NRXN3: variants seen among roughly 807,000 people sequenced by gnomAD.
NRXN3 encodes neurexin 3.
Under a neutral mutation model 137.6 loss-of-function variants are expected in NRXN3, and 32 were observed. The ratio of observed to expected loss-of-function variants is 0.23; its 90% CI spans 0.18 to 0.31. The LOEUF (loss-of-function observed/expected upper bound fraction) is 0.31, where lower values mean the gene tolerates loss of function less well. Ranked by LOEUF, NRXN3 falls within the 10% of genes least tolerant of loss-of-function variation. The pLI is 1.00. For synonymous variants in NRXN3, 798 were observed against 784.5 expected (o/e 1.02, Z -0.29); for missense variants, 1,574 against 2,062.5 (o/e 0.76, Z 4.59).
intron 4 of NRXN3, among the ~76,000 whole-genome samples, chr14:78,434,274 A>T (rs1203277407): frequency 1.3e-5 from 2 of 152,164 alleles, no homozygotes; most frequent in Non-Finnish European, 2.9e-5. Flanking sequence ...TATTGGCAAG[A>T]TTGATTCCTT....
intron 15 of NRXN3, among the ~76,000 whole-genome samples, chr14:79,150,885 G>A (rs914755352): frequency 6.6e-6 from 1 of 152,042 alleles, no homozygotes; most frequent in Non-Finnish European, 1.5e-5. Context: ...ATTGGAGCCA[G>A]CAATTCAGCA....
chr14:78,211,855 C>T (rs925244597), intron 1 of NRXN3, among the ~76,000 whole-genome samples: 9 of 152,166 alleles, frequency 5.9e-5, no homozygotes, highest in African/African-American at 2.2e-4. Context: ...GAAGGGGAAT[C>T]ACTGTTGTCT....
At chr14:78,596,078 G>T (rs1405688566) in intron 4 of NRXN3, among the ~76,000 whole-genome samples, 1 of 152,126 alleles carries the variant, frequency 6.6e-6, no homozygotes, top group African/African-American at 2.4e-5. Context: ...GAATTATTTG[G>T]CCCCAGATGT....
chr14:78,456,861 C>T (rs879604874), intron 4 of NRXN3, among the ~76,000 whole-genome samples: 8,755 of 100,146 alleles, frequency 0.087, 310 homozygotes, highest in Non-Finnish European at 0.13. Context: ...TTCTTTTTCT[C>T]TTTCTTTCTT....
intron 4 of NRXN3, among the ~76,000 whole-genome samples, chr14:78,590,226 A>C (rs533712621): frequency 6.6e-6 from 1 of 152,176 alleles, no homozygotes; most frequent in Admixed American, 6.5e-5. Flanking sequence ...CAGTTCCATC[A>C]TGGTCTGCTC....
intron 4 of NRXN3, among the ~76,000 whole-genome samples, chr14:78,375,520 C>T (rs1195811951): frequency 6.6e-6 from 1 of 152,136 alleles, no homozygotes; most frequent in Non-Finnish European, 1.5e-5. Flanking sequence ...TCATTACATA[C>T]TTAGTAAGCT....
intron 4 of NRXN3, among the ~76,000 whole-genome samples, chr14:78,553,769 T>C (rs1311095079): frequency 6.6e-6 from 1 of 152,176 alleles, no homozygotes; most frequent in Non-Finnish European, 1.5e-5. Context: ...TCTTGCTCCT[T>C]TTTTTCCATT....
intron 15 of NRXN3, among the ~76,000 whole-genome samples, chr14:79,294,827 G>A (rs111813165): frequency 5.9e-5 from 9 of 152,304 alleles, no homozygotes; most frequent in African/African-American, 2.2e-4. Flanking sequence ...CATGAGCTTT[G>A]TCCCCAAAGG....
chr14:79,206,253 A>T (rs998833294), intron 15 of NRXN3, among the ~76,000 whole-genome samples: 1 of 152,214 alleles, frequency 6.6e-6, no homozygotes, highest in African/African-American at 2.4e-5. Context: ...AGACATTCTT[A>T]AAGGATTTGC....
intron 15 of NRXN3, among the ~76,000 whole-genome samples, chr14:79,307,228 G>A (rs1379173198): frequency 1.3e-5 from 2 of 151,976 alleles, no homozygotes; most frequent in African/African-American, 4.8e-5. Context: ...CATTAAATAA[G>A]TTACTCTAGG....
At position 78,522,792 on chromosome 14, in the gene NRXN3, G is replaced by A. The variant is rs560465024; in HGVS notation, c.758-122328G>A. ...GGGAAGATACTCTCTTTCCACTGGG[G>A]TTGTTAAACAAGTAGAATGCAAGGC... On this transcript the variant is annotated intron_variant, in intron 4 of 20. Coordinates refer to ENST00000335750, the MANE Select transcript of NRXN3 (RefSeq NM_001330195.2). Among the ~76,000 whole-genome samples the A allele has an allele frequency of 3.2e-3, 491 of 152,206 alleles. 5 individuals carry two copies. The highest frequency in any genetic ancestry group is 8.1e-3 in the South Asian group (39 of 4,814).
At chr14:79,426,307 G>C (rs1310050250) in intron 15 of NRXN3, among the ~76,000 whole-genome samples, 2 of 152,082 alleles carry the variant, frequency 1.3e-5, no homozygotes, top group Non-Finnish European at 2.9e-5. Context: ...CTGATGGAAG[G>C]CTTTCCCTCC....
At chr14:78,311,304 C>G (rs780029267) in intron 4 of NRXN3, among the ~76,000 whole-genome samples, 22 of 152,144 alleles carry the variant, frequency 1.4e-4, no homozygotes, top group Non-Finnish European at 2.8e-4. Flanking sequence ...AGTTAAGTAA[C>G]TTCTTAGCAG....
At chr14:79,501,035 C>T (rs1404678259) in intron 16 of NRXN3, among the ~76,000 whole-genome samples, 3 of 151,972 alleles carry the variant, frequency 2.0e-5, no homozygotes, top group African/African-American at 7.3e-5. Flanking sequence ...AACTGTGGCA[C>T]CTGAGAAAAA....
At chr14:79,622,678 C>T (rs1345334542) in intron 16 of NRXN3, among the ~76,000 whole-genome samples, 1 of 152,082 alleles carries the variant, frequency 6.6e-6, no homozygotes, top group Non-Finnish European at 1.5e-5. Context: ...CTCACTGCAA[C>T]CTCCGCCTCC....
intron 4 of NRXN3, among the ~76,000 whole-genome samples, chr14:78,423,402 C>T (rs1333838643): frequency 2.6e-5 from 4 of 152,292 alleles, no homozygotes; most frequent in African/African-American, 7.2e-5. Flanking sequence ...ATGCTCACAG[C>T]CTGCTAGGAG....
chr14:78,355,741 G>C (rs536085119), intron 4 of NRXN3, among the ~76,000 whole-genome samples: 17 of 152,278 alleles, frequency 1.1e-4, no homozygotes, highest in Non-Finnish European at 1.5e-5. Context: ...TACATACGCT[G>C]TTCCCTCTAC....
intron 15 of NRXN3, among the ~76,000 whole-genome samples, chr14:79,196,663 A>AT (rs955216551): frequency 3.0e-4 from 46 of 151,628 alleles, no homozygotes; most frequent in African/African-American, 7.7e-4. Context: ...ATAGATATAG[A>AT]TTTTTTTTTC....
chr14:79,538,788 C>T (rs1409351754), intron 16 of NRXN3, among the ~76,000 whole-genome samples: 1 of 152,166 alleles, frequency 6.6e-6, no homozygotes, highest in Non-Finnish European at 1.5e-5. Context: ...GTCCCTCCTT[C>T]TGTAAAATGG....
Sources: allele counts gnomAD v4.1 joint callset (sites outside exome capture counted in the v4.1 genomes callset), GRCh38; gene constraint gnomAD v4.1.1; transcripts MANE v1.5; gene names NCBI Gene and HGNC (gene_info 2026-07-23, HGNC 2026-07-21).